UMOD: variants seen among roughly 807,000 people sequenced by gnomAD.
The protein encoded by UMOD is uromodulin.
Under a neutral mutation model 66.0 loss-of-function variants are expected in UMOD, and 64 were observed. That is an observed-to-expected ratio of 0.97 (90% CI 0.79 to 1.19). The LOEUF is 1.19. Ranked by LOEUF, UMOD falls within the 50% of genes most tolerant of loss-of-function variation. The pLI, the probability that UMOD is intolerant of heterozygous loss-of-function variation, is 0.00. For missense variants in UMOD, 764 were observed against 850.9 expected, an observed-to-expected ratio of 0.90 and a Z score of 1.27; for synonymous variants, 398 against 352.7, an observed-to-expected ratio of 1.13 and a Z score of -1.44.
intron 4 of UMOD, among the ~76,000 whole-genome samples, chr16:20,346,941 C>T (rs554444497): frequency 8.2e-4 from 125 of 152,244 alleles, no homozygotes; most frequent in African/African-American, 2.9e-3. Context: ...CAATTACTTT[C>T]TACCCTTTTC....
At chr16:20,335,249 T>C (rs1308727551) in intron 10 of UMOD, among the ~76,000 whole-genome samples, 3 of 152,208 alleles carry the variant, frequency 2.0e-5, no homozygotes, top group Non-Finnish European at 4.4e-5. Context: ...TAAGTTTGTG[T>C]ATAAAATAAG....
chr16:20,350,657 T>A lies in UMOD; in HGVS notation c.81A>T (p.Ser27=), dbSNP rs1440120208. The A allele has an allele frequency of 6.2e-7, 1 of 1,614,122 alleles. No homozygotes were observed. Among genetic ancestry groups the A allele is most frequent in the Non-Finnish European group, 8.5e-7 (1 of 1,180,048 alleles). Residue 27 remains serine (S), a synonymous_variant, in exon 2 of 11, where the codon TCA becomes TCT. Coordinates refer to ENST00000396138, the MANE Select transcript of UMOD (RefSeq NM_003361.4). ...WFITTAATDT[S]EARWCSECHS... is the part of the protein sequence containing the mutation. ...CACACACTTTTCACTTACTTGCTTC[T>A]GAGGTGTCAGTGGCTGCAGTTGTGA...
upstream of UMOD, among the ~76,000 whole-genome samples, chr16:20,355,373 T>TC (rs954343919): frequency 3.3e-5 from 5 of 151,972 alleles, no homozygotes; most frequent in African/African-American, 7.2e-5. Context: ...ACTTCGCTCT[T>TC]GAAACACTCT....
intron 7 of UMOD, among the ~76,000 whole-genome samples, chr16:20,339,190 G>A (rs1361964060): frequency 6.6e-6 from 1 of 152,242 alleles, no homozygotes; most frequent in African/African-American, 2.4e-5. Context: ...GCAAAGCCAA[G>A]ATTTGAACCC....
At chr16:20,350,952 T>A in intron 1 of UMOD, 113 bp from the exon 2 acceptor site, 1 of 1,118,626 alleles carries the variant, frequency 8.9e-7, no homozygotes, top group Non-Finnish European at 1.2e-6. Flanking sequence ...TTATATGGAC[T>A]AAAAAATTGC....
At position 20,345,385 on chromosome 16, in the gene UMOD, C is replaced by CT. The variant is rs1389096408; in HGVS notation, c.1182+740dup. Among the ~76,000 whole-genome samples, 5 of 135,488 alleles carry CT rather than the reference C, an allele frequency of 3.7e-5. No individual in the cohort carries two copies. The Admixed American group carries it at 3.8e-4, about 10-fold the overall frequency. 88.9% of individuals were successfully genotyped at this position (135,488 alleles called of 152,430 possible). A position where few individuals can be genotyped will look rare whatever the true frequency, so the allele number is the denominator to read the frequency against. Reference sequence around the variant, plus strand: ...TCTTTCTTCCTTTCTTCCTTCCTTCCTTTCTTTTCTTTTTTTTTCTTTCTT... The same window carrying CT: ...TCTTTCTTCCTTTCTTCCTTCCTTCCTTTTCTTTTCTTTTTTTTTCTTTCTT... On this transcript the variant is annotated intron_variant, in intron 5 of 10. Transcript: ENST00000396138.
intron 7 of UMOD, among the ~76,000 whole-genome samples, chr16:20,339,480 GTATTAAGTTTGAGTTAGA>G: frequency 6.6e-6 from 1 of 152,356 alleles, no homozygotes; most frequent in East Asian, 1.9e-4. Flanking sequence ...CAAAAGAGTT[GTATTAAGTTTGAGTTAGA>G]CTCTGCTAAT....
chr16:20,346,767 C>A (rs779830976), intron 4 of UMOD, among the ~76,000 whole-genome samples: 1 of 152,018 alleles, frequency 6.6e-6, no homozygotes, highest in East Asian at 1.9e-4. Flanking sequence ...GCATCTCCCA[C>A]AGTAGTAATA....
intron 10 of UMOD, among the ~76,000 whole-genome samples, chr16:20,334,605 C>G (rs898735391): frequency 6.6e-6 from 1 of 152,078 alleles, no homozygotes; most frequent in African/African-American, 2.4e-5. Flanking sequence ...TATTGGGACA[C>G]AGCATAGGTA....
chr16:20,335,623 T>C (rs1964828186), intron 9 of UMOD, 103 bp from the exon 10 acceptor site: 1 of 1,218,176 alleles, frequency 8.2e-7, no homozygotes, highest in Non-Finnish European at 1.2e-6. Context: ...GCAGCCAGAC[T>C]GATCTCTTCA....
Position 20,350,076 on chromosome 16 carries a change from TAAG to T in UMOD, c.88+571_88+573del, listed in dbSNP as rs140225052. On this transcript the variant is annotated intron_variant, in intron 2 of 10. Transcript: ENST00000396138. ...GGGATTAAGCCCCTTACTCCTTTGG[TAAG>T]AAGTAGAACCAGGATAAAAACGCAG... Among the ~76,000 whole-genome samples the T allele has an allele frequency of 9.5e-3, 1,438 of 152,148 alleles. 24 individuals are homozygous for T. The highest frequency in any genetic ancestry group is 0.033 in the African/African-American group (1,360 of 41,498).
rs146200256 is a variant in UMOD, at chr16:20,338,330, G to A, written c.1578-877C>T. ...GTCACTTTCACTGTCTCCCCGACTT[G>A]TCTCCTCTTTTCATGCCTTGTGATG... On this transcript the variant is annotated intron_variant, in intron 7 of 10. Coordinates refer to ENST00000396138, the MANE Select transcript of UMOD (RefSeq NM_003361.4). Among the ~76,000 whole-genome samples the A allele has an allele frequency of 8.0e-4, 121 of 152,200 alleles. 1 individual carries two copies. The highest frequency in any genetic ancestry group is 2.8e-3 in the African/African-American group (115 of 41,530).
chr16:20,335,462 C>A lies in UMOD; in HGVS notation c.1861+20G>T. On this transcript the variant is annotated intron_variant, in intron 10 of 10. Transcript: ENST00000396138. Reference sequence around the variant, plus strand: ...GAGAGTTCTGGAACAGGTCCCACTGCAGAAAGGACCTGAACTTACCCAAGC... The same window carrying A: ...GAGAGTTCTGGAACAGGTCCCACTGAAGAAAGGACCTGAACTTACCCAAGC... 1 of 1,613,420 alleles carries A rather than the reference C, an allele frequency of 6.2e-7. No individual in the cohort carries two copies. Among genetic ancestry groups the A allele is most frequent in the Non-Finnish European group, 8.5e-7 (1 of 1,179,400 alleles).
Position 20,333,098 on chromosome 16 carries a change from G to A in UMOD, c.*216C>T. On this transcript the variant is annotated 3_prime_UTR_variant, in exon 11 of 11. Coordinates refer to ENST00000396138, the MANE Select transcript of UMOD (RefSeq NM_003361.4). ...TGCCACACTCTTTAAGGAGATGGGG[G>A]CCTCAGGTACACCGTCACAAGTCCC... is the stretch of plus-strand genomic sequence containing the variant. 2 of 585,168 alleles carry A rather than the reference G, an allele frequency of 3.4e-6. No individual in the cohort carries two copies. Among genetic ancestry groups the A allele is most frequent in the Non-Finnish European group, 6.3e-6 (2 of 318,536 alleles). The allele number at this position is 585,168 out of a possible 1,614,324, so 36.2% of individuals were successfully genotyped here. A position where few individuals can be genotyped will look rare whatever the true frequency, so the allele number is the denominator to read the frequency against.
intron 6 of UMOD, chr16:20,342,563 G>A (rs943964931): frequency 5.9e-5 from 9 of 152,186 alleles, no homozygotes; most frequent in African/African-American, 1.9e-4. Flanking sequence ...GGCTGGCCAA[G>A]AGAGCAGAAA....
At chr16:20,339,474 A>C (rs148936697) in intron 7 of UMOD, among the ~76,000 whole-genome samples, 118 of 152,378 alleles carry the variant, frequency 7.7e-4, no homozygotes, top group African/African-American at 2.8e-3. Flanking sequence ...GATCAACAAA[A>C]GAGTTGTATT....
At chr16:20,341,361 G>A in intron 6 of UMOD, 25 bp from the exon 7 acceptor site, 1 of 1,611,610 alleles carries the variant, frequency 6.2e-7, no homozygotes, top group Non-Finnish European at 8.5e-7. Flanking sequence ...GGGTTGGTGA[G>A]AGGACCGGGC....
intron 9 of UMOD, among the ~76,000 whole-genome samples, chr16:20,335,755 C>T (rs1964835821): frequency 6.6e-6 from 1 of 152,198 alleles, no homozygotes; most frequent in South Asian, 2.1e-4. Context: ...TGCAGCAGCT[C>T]ATCCCACACA....
In UMOD at chr16:20,349,067, G is replaced by A. The variant is rs1465280563; in HGVS notation, c.234C>T (p.Ser78=). Residue 78 remains serine, a synonymous_variant, in exon 3 of 11, where the codon TCC becomes TCT. Transcript: ENST00000396138. ...ECAIPGAHNC[S]ANSSCVNTPG... is the part of the protein sequence containing the mutation. ...GCGTGTTTACGCAGCTGCTGTTGGC[G>A]GAGCAGTTGTGAGCTCCAGGAATGG... is the stretch of plus-strand genomic sequence containing the variant. 1.9e-6 allele frequency: 3 copies of A among 1,609,996 alleles called. No individual in the cohort carries two copies. The highest frequency in any genetic ancestry group is 2.2e-5 in the South Asian group (2 of 90,244).
Sources: gnomAD v4.1 joint callset for allele counts (sites outside exome capture counted in the v4.1 genomes callset) on GRCh38, gnomAD v4.1.1 for gene constraint, MANE v1.5 for transcripts, NCBI Gene and HGNC (gene_info 2026-07-23, HGNC 2026-07-21) for gene names.